Variants in NFATC1 observed in about 807,000 individuals in gnomAD.
NFATC1 encodes the protein nuclear factor of activated T cells 1, also known as nuclear factor of activated T-cells, cytoplasmic 1.
In NFATC1, 22 loss-of-function variants were observed where a neutral mutation model predicts 76.0. The observed-to-expected ratio is 0.29, with a 90% CI of 0.21 to 0.41. The LOEUF (loss-of-function observed/expected upper bound fraction) is 0.41, where lower values mean the gene tolerates loss of function less well. Ranked by LOEUF, NFATC1 falls within the 10% of genes least tolerant of loss-of-function variation. NFATC1 has a pLI of 1.00. For synonymous variants in NFATC1, 704 were observed against 613.1 expected, an observed-to-expected ratio of 1.15 and a Z score of -2.19; for missense variants, 1,357 against 1,337.7, an observed-to-expected ratio of 1.01 and a Z score of -0.23.
chr18:79,509,961 A>C (rs1196769546), intron 9 of NFATC1, among the ~76,000 whole-genome samples: 1 of 152,264 alleles, frequency 6.6e-6, no homozygotes. Context: ...CTCTTGGTGC[A>C]GCCATAAAGC....
At chr18:79,452,574 G>C (rs545393406) in intron 6 of NFATC1, among the ~76,000 whole-genome samples, 3 of 152,366 alleles carry the variant, frequency 2.0e-5, no homozygotes, top group South Asian at 2.1e-4. Flanking sequence ...ATCCCAGAGG[G>C]GTGGCCTCGC....
intron 9 of NFATC1, among the ~76,000 whole-genome samples, chr18:79,498,808 G>A (rs748660720): frequency 6.6e-6 from 1 of 152,224 alleles, no homozygotes; most frequent in Non-Finnish European, 1.5e-5. Flanking sequence ...ATGCTCAGCA[G>A]GATTAACAGC....
At chr18:79,477,178 C>A (rs1056093882) in intron 8 of NFATC1, among the ~76,000 whole-genome samples, 1 of 152,202 alleles carries the variant, frequency 6.6e-6, no homozygotes. Context: ...AGTCATGCCC[C>A]GGAGGTGTCA....
chr18:79,425,665 G>A (rs1298114962), intron 2 of NFATC1, among the ~76,000 whole-genome samples: 3 of 149,698 alleles, frequency 2.0e-5, no homozygotes, highest in Non-Finnish European at 3.0e-5. Flanking sequence ...GTTCACCGGC[G>A]GAGTCGGGGC....
chr18:79,498,243 G>A (rs2145125669), intron 9 of NFATC1: 1 of 152,030 alleles, frequency 6.6e-6, no homozygotes, highest in South Asian at 2.1e-4. Flanking sequence ...CTTTAAATCA[G>A]CTGCAATAAA....
At chr18:79,520,140 C>T (rs990424098) in intron 9 of NFATC1, among the ~76,000 whole-genome samples, 2 of 152,204 alleles carry the variant, frequency 1.3e-5, no homozygotes, top group African/African-American at 4.8e-5. Context: ...CAGGGGGAAA[C>T]TTGACGGAGC....
intron 9 of NFATC1, among the ~76,000 whole-genome samples, chr18:79,518,379 G>A (rs57725273): frequency 1.3e-5 from 2 of 152,226 alleles, no homozygotes; most frequent in Admixed American, 1.3e-4. Context: ...AGTAGAACAT[G>A]TGGAAGCTGA....
Position 79,476,637 on chromosome 18 carries a change from C to T in NFATC1, c.2092+9055C>T, listed in dbSNP as rs1249844812. 2.6e-5 allele frequency among the ~76,000 whole-genome samples: 4 copies of T among 152,302 alleles called. No homozygotes were observed. In the East Asian group the frequency reaches 5.8e-4, roughly 22 times the overall value. On this transcript the variant is annotated intron_variant, in intron 8 of 9. Transcript: ENST00000427363. ...TCTGTATGTGTAGGAAGCCCCCCACCGATGTTGCTCGGGGTCGACGTGATA... is the reference window on the plus strand; with the variant it reads ...TCTGTATGTGTAGGAAGCCCCCCACTGATGTTGCTCGGGGTCGACGTGATA...
At chr18:79,401,051 A>G (rs1021702352) in intron 1 of NFATC1, among the ~76,000 whole-genome samples, 8 of 118,700 alleles carry the variant, frequency 6.7e-5, no homozygotes, top group Non-Finnish European at 1.2e-4. Flanking sequence ...CTTTTCTTTC[A>G]TTTTCTCTTC....
At chr18:79,508,623 CTCTG>C (rs1487721204) in intron 9 of NFATC1, among the ~76,000 whole-genome samples, 1 of 152,104 alleles carries the variant, frequency 6.6e-6, no homozygotes, top group Non-Finnish European at 1.5e-5. Flanking sequence ...CTATCCCTCT[CTCTG>C]TCTCTGTCTC....
rs1307130154 is a variant in NFATC1 at position 79,475,573 on chromosome 18, G to A, written c.2092+7991G>A. 9.9e-5 allele frequency among the ~76,000 whole-genome samples: 15 copies of A among 151,160 alleles called. 1 individual carries two copies. Among genetic ancestry groups the A allele is most frequent in the Admixed American group, 5.9e-4 (9 of 15,234 alleles). On this transcript the variant is annotated intron_variant, in intron 8 of 9. Coordinates refer to ENST00000427363, the MANE Select transcript of NFATC1 (RefSeq NM_001278669.2). ...GAAGTGTGTTCTCACGCTCACTGTC[G>A]ACGTTGCGAGGGAAGCGTGTTCTCA...
At position 79,410,314 on chromosome 18, in the gene NFATC1, C is replaced by T. The variant is rs979247029; in HGVS notation, c.128-89C>T. ...CTCCTTGGGGTCCGTTGGTCGAGGC[C>T]GGGGGTTGCTGGCCGGCCCTGAGTT... On this transcript the variant is annotated intron_variant, in intron 1 of 9. Coordinates refer to ENST00000427363, the MANE Select transcript of NFATC1 (RefSeq NM_001278669.2). The surrounding 1 kb of genome is among the most constrained non-coding windows in gnomAD (Gnocchi z 6.7). The T allele has an allele frequency of 1.1e-5, 16 of 1,522,184 alleles. No homozygotes were observed. Among genetic ancestry groups the T allele is most frequent in the Admixed American group, 4.0e-5 (2 of 49,970 alleles). The allele number at this position is 1,522,184 out of a possible 1,614,324, so 94.3% of individuals were successfully genotyped here. A position where few individuals can be genotyped will look rare whatever the true frequency, so the allele number is the denominator to read the frequency against.
intron 1 of NFATC1, among the ~76,000 whole-genome samples, chr18:79,396,586 T>TGAGGGCGCGAGGC (rs2085012432): frequency 6.6e-6 from 1 of 152,082 alleles, no homozygotes; most frequent in South Asian, 2.1e-4. Context: ...GCCCCAGCGC[T>TGAGGGCGCGAGGC]GAGGGCGCGA....
At chr18:79,407,476 T>C (rs2085483141) in intron 1 of NFATC1, among the ~76,000 whole-genome samples, 1 of 152,166 alleles carries the variant, frequency 6.6e-6, no homozygotes. Context: ...GACAGGGTCT[T>C]GCTGTGTCGC....
chr18:79,400,192 T>A lies in NFATC1; in HGVS notation c.127+3841T>A, dbSNP rs1600572001. On this transcript the variant is annotated intron_variant, in intron 1 of 9. Transcript: ENST00000427363. ...TATTTAAAAACTCGTGTCCGGGGAG[T>A]TTATTTAAAACTCGGAAGCCGGCGG... 3 of 1,137,886 alleles carry A rather than the reference T, an allele frequency of 2.6e-6. No individual in the cohort carries two copies. The East Asian group carries it at 1.4e-4, about 51-fold the overall frequency. The allele number at this position is 1,137,886 out of a possible 1,614,324, so 70.5% of individuals were successfully genotyped here.
chr18:79,462,284 G>A (rs1230115574), intron 7 of NFATC1, among the ~76,000 whole-genome samples: 10 of 152,180 alleles, frequency 6.6e-5, no homozygotes, highest in Non-Finnish European at 1.0e-4. Flanking sequence ...CCTCTCTGAC[G>A]CTGTCTTGTA....
chr18:79,406,430 C>T (rs2085440400), intron 1 of NFATC1, among the ~76,000 whole-genome samples: 1 of 152,048 alleles, frequency 6.6e-6, no homozygotes, highest in East Asian at 1.9e-4. Context: ...AGGCTGGGCC[C>T]CCGTGATCGG....
rs1487413006 is a variant in NFATC1, at chr18:79,486,546, C to T, written c.2391C>T (p.Ala797=). 1 of 1,596,032 alleles carries T rather than the reference C, an allele frequency of 6.3e-7. No individual in the cohort carries two copies. The highest frequency in any genetic ancestry group is 8.5e-7 in the Non-Finnish European group (1 of 1,176,592). ...GACTCCCGCAGCCGGCCGGAGAGGC[C>T]CCCGCCGTCCAGGACGTGCCCAGGC... The part of the protein sequence containing the change: ...HLGLPQPAGE[A]PAVQDVPRPV... Residue 797 remains alanine, a synonymous_variant, in exon 9 of 10, where the codon GCC becomes GCT. Coordinates refer to ENST00000427363, the MANE Select transcript of NFATC1 (RefSeq NM_001278669.2).
At chr18:79,461,094 C>T (rs2304736) in intron 6 of NFATC1, among the ~76,000 whole-genome samples, 39,156 of 152,036 alleles carry the variant, frequency 0.26, 6,524 homozygotes, top group African/African-American at 0.47. Context: ...CTTCTCCAGG[C>T]TCCCAGGGCA....
Sources: allele counts gnomAD v4.1 joint callset (sites outside exome capture counted in the v4.1 genomes callset), GRCh38; gene constraint gnomAD v4.1.1; non-coding constraint Gnocchi (gnomAD v3.1); transcripts MANE v1.5; gene names NCBI Gene and HGNC (gene_info 2026-07-23, HGNC 2026-07-21).